Variants in STAT4 observed in about 807,000 individuals in gnomAD.
STAT4 encodes the protein signal transducer and activator of transcription 4.
STAT4 carries 42 observed loss-of-function variants against 110.5 expected under a neutral mutation model. The ratio of observed to expected loss-of-function variants is 0.38; its 90% CI spans 0.30 to 0.49. STAT4 has a LOEUF of 0.49. STAT4 is among the 20% of genes least tolerant of loss of function. STAT4 has a pLI of 0.95. For synonymous variants in STAT4, 284 were observed against 302.2 expected, an observed-to-expected ratio of 0.94 and a Z score of 0.63; for missense variants, 632 against 887.9, an observed-to-expected ratio of 0.71 and a Z score of 3.66.
In STAT4 at chr2:191,110,587, CTT is replaced by C. The variant is rs1370075728; in HGVS notation, c.274-34264_274-34263del. Reference sequence around the variant, plus strand: ...TTCCAATCTGAAAGTCTGAAAAAGACTTTTCTTTTGTCTTTAAAGTGCTTTTT... The same window carrying C: ...TTCCAATCTGAAAGTCTGAAAAAGACTTCTTTTGTCTTTAAAGTGCTTTTT... On this transcript the variant is annotated intron_variant, in intron 3 of 23. Coordinates refer to ENST00000392320, the MANE Select transcript of STAT4 (RefSeq NM_003151.4). The surrounding 1 kb of genome is among the most constrained non-coding windows in gnomAD (Gnocchi z 4.5). 1.3e-5 allele frequency among the ~76,000 whole-genome samples: 2 copies of C among 152,034 alleles called. No homozygotes were observed. The highest frequency in any genetic ancestry group is 4.8e-5 in the African/African-American group (2 of 41,400).
chr2:191,098,042 C>G (rs577580110), intron 3 of STAT4, among the ~76,000 whole-genome samples: 1 of 152,192 alleles, frequency 6.6e-6, no homozygotes, highest in African/African-American at 2.4e-5. Flanking sequence ...TCAGAGAAAT[C>G]CAAATCAAAA....
At chr2:191,054,147 A>G (rs568292786) in intron 14 of STAT4, among the ~76,000 whole-genome samples, 11 of 132,690 alleles carry the variant, frequency 8.3e-5, no homozygotes, top group Non-Finnish European at 1.8e-4. Context: ...AAAAAAAGAA[A>G]GAAAAAAAAG....
At position 191,086,316 on chromosome 2, in the gene STAT4, G is replaced by T. The variant is rs1261677430; in HGVS notation, c.274-9991C>A. 1.3e-5 allele frequency among the ~76,000 whole-genome samples: 2 copies of T among 152,132 alleles called. No homozygotes were observed. Among genetic ancestry groups the T allele is most frequent in the African/African-American group, 4.8e-5 (2 of 41,430 alleles). ...GCCCGGGAACCTCATAGGACCTCAA[G>T]AAGAGAGGAATTCACCCAATTCATA... On this transcript the variant is annotated intron_variant, in intron 3 of 23. Coordinates refer to ENST00000392320, the MANE Select transcript of STAT4 (RefSeq NM_003151.4). The surrounding 1 kb of genome is among the most constrained non-coding windows in gnomAD (Gnocchi z 5.5).
chr2:191,118,269 G>A (rs1574172580), intron 3 of STAT4, among the ~76,000 whole-genome samples: 1 of 152,196 alleles, frequency 6.6e-6, no homozygotes, highest in African/African-American at 2.4e-5. Context: ...AGAATCACTT[G>A]TGAAGCTTTA....
Position 191,031,405 on chromosome 2 carries a change from A to T in STAT4, c.2111+45T>A. 1 of 1,585,236 alleles carries T rather than the reference A, an allele frequency of 6.3e-7. No individual in the cohort carries two copies. Among genetic ancestry groups the T allele is most frequent in the Non-Finnish European group, 8.6e-7 (1 of 1,160,520 alleles). On this transcript the variant is annotated intron_variant, in intron 22 of 23. Coordinates refer to ENST00000392320, the MANE Select transcript of STAT4 (RefSeq NM_003151.4). This position sits in a 1 kb window ranked among gnomAD's most constrained non-coding sequence, Gnocchi z 4.8. ...GCTCTACCTTTAAATCTCCTATAGGAAAGCTTTTTATAAAAATATTTCACA... is the reference window on the plus strand; with the variant it reads ...GCTCTACCTTTAAATCTCCTATAGGTAAGCTTTTTATAAAAATATTTCACA...
rs976457150 is a variant in STAT4 at position 191,039,635 on chromosome 2, A to T, written c.1336-338T>A. Among the ~76,000 whole-genome samples, 5 of 152,258 alleles carry T rather than the reference A, an allele frequency of 3.3e-5. No homozygotes were observed. Among genetic ancestry groups the T allele is most frequent in the African/African-American group, 1.2e-4 (5 of 41,460 alleles). On this transcript the variant is annotated intron_variant, in intron 15 of 23. Transcript: ENST00000392320. This position sits in a 1 kb window ranked among gnomAD's most constrained non-coding sequence, Gnocchi z 4.7. ...TATTAGAGAGTCTATTGAATTAGCA[A>T]CAATCTTCTCTATAAGTTAAATAAA...
rs1291044543 is a variant in STAT4, at chr2:191,060,749, C to T, written c.1034+980G>A. ...TGCAATTTAAAAAGGAACCTGGCCT[C>T]TGCCTTTTGTTTTCAGTTCTTAAAT... is the stretch of plus-strand genomic sequence containing the variant. On this transcript the variant is annotated intron_variant, in intron 10 of 23. Transcript: ENST00000392320. This position sits in a 1 kb window ranked among gnomAD's most constrained non-coding sequence, Gnocchi z 4.5. Among the ~76,000 whole-genome samples, 1 of 152,208 alleles carries T rather than the reference C, an allele frequency of 6.6e-6. No individual in the cohort carries two copies. The highest frequency in any genetic ancestry group is 1.5e-5 in the Non-Finnish European group (1 of 68,034).
Position 191,146,770 on chromosome 2 carries a change from A to AT in STAT4, c.129-14_129-13insA, listed in dbSNP as rs1420959144. The stretch of plus-strand genomic sequence containing the variant: ...AGAAGCTGCCTCCCTAAAAAAAAAA[A>AT]GGATTATTACACAACAGAAAACAAC... On this transcript the variant is annotated splice_polypyrimidine_tract_variant and intron_variant, in intron 2 of 23. Coordinates refer to ENST00000392320, the MANE Select transcript of STAT4 (RefSeq NM_003151.4). The surrounding 1 kb of genome is among the most constrained non-coding windows in gnomAD (Gnocchi z 4.5). The AT allele has an allele frequency of 1.3e-6, 2 of 1,533,126 alleles. No homozygotes were observed. Among genetic ancestry groups the AT allele is most frequent in the African/African-American group, 2.8e-5 (2 of 71,032 alleles). 95.0% of individuals were successfully genotyped at this position (1,533,126 alleles called of 1,614,324 possible). A position where few individuals can be genotyped will look rare whatever the true frequency, so the allele number is the denominator to read the frequency against.
rs1699389109 is a variant in STAT4 at position 191,143,614 on chromosome 2, A to G, written c.273+2999T>C. Reference sequence around the variant, plus strand: ...AAATAATAAAATACTGAAACTAGAGATCTCAGCTGTTCTATAAAGAACCAA... The same window carrying G: ...AAATAATAAAATACTGAAACTAGAGGTCTCAGCTGTTCTATAAAGAACCAA... On this transcript the variant is annotated intron_variant, in intron 3 of 23. Transcript: ENST00000392320. This position sits in a 1 kb window ranked among gnomAD's most constrained non-coding sequence, Gnocchi z 5.6. Among the ~76,000 whole-genome samples, 1 of 152,170 alleles carries G rather than the reference A, an allele frequency of 6.6e-6. No homozygotes were observed. The highest frequency in any genetic ancestry group is 1.5e-5 in the Non-Finnish European group (1 of 68,016).
chr2:191,085,640 G>A (rs1443120167), intron 3 of STAT4, among the ~76,000 whole-genome samples: 1 of 152,118 alleles, frequency 6.6e-6, no homozygotes, highest in African/African-American at 2.4e-5. Flanking sequence ...ATTGTTTTAT[G>A]TTGATCCTTT....
chr2:191,096,326 TTTTAG>T (rs1697981834), intron 3 of STAT4, among the ~76,000 whole-genome samples: 1 of 152,154 alleles, frequency 6.6e-6, no homozygotes, highest in East Asian at 1.9e-4. Context: ...AAAAAGAGAA[TTTTAG>T]ACCAATATTT....
rs564333899 is a variant in STAT4 at position 191,058,592 on chromosome 2, T to G, written c.1094+118A>C. On this transcript the variant is annotated intron_variant, in intron 11 of 23. Coordinates refer to ENST00000392320, the MANE Select transcript of STAT4 (RefSeq NM_003151.4). This position sits in a 1 kb window ranked among gnomAD's most constrained non-coding sequence, Gnocchi z 4.3. ...AGTCAAATATTTGAAGTACATTCAT[T>G]ATATAATGTTAGATAAGTAAATTTA... 6 of 667,814 alleles carry G rather than the reference T, an allele frequency of 9.0e-6. No homozygotes were observed. The highest frequency in any genetic ancestry group is 7.5e-5 in the African/African-American group (4 of 53,538). 41.4% of individuals were successfully genotyped at this position (667,814 alleles called of 1,614,324 possible).
chr2:191,093,695 C>T (rs373949892), intron 3 of STAT4, among the ~76,000 whole-genome samples: 17 of 152,344 alleles, frequency 1.1e-4, no homozygotes, highest in Middle Eastern at 6.8e-3. Flanking sequence ...CAAGGGATCA[C>T]AGCTCCTTGC....
Position 191,138,635 on chromosome 2 carries a change from A to T in STAT4, c.273+7978T>A, listed in dbSNP as rs1029910797. ...TTTAAAAAAAATTGCCAACCAAAAAAGTCCAGGACCAGATGGATTCACAGC... is the reference window on the plus strand; with the variant it reads ...TTTAAAAAAAATTGCCAACCAAAAATGTCCAGGACCAGATGGATTCACAGC... On this transcript the variant is annotated intron_variant, in intron 3 of 23. Transcript: ENST00000392320. The surrounding 1 kb of genome is among the most constrained non-coding windows in gnomAD (Gnocchi z 4.3). Among the ~76,000 whole-genome samples, 13 of 152,342 alleles carry T rather than the reference A, an allele frequency of 8.5e-5. No homozygotes were observed. The highest frequency in any genetic ancestry group is 2.9e-4 in the African/African-American group (12 of 41,592).
intron 6 of STAT4, chr2:191,068,232 T>A (rs985844639): frequency 5.4e-4 from 82 of 152,298 alleles, no homozygotes; most frequent in African/African-American, 1.9e-3. Context: ...CATAACAAAT[T>A]AAGTTCAAAT....
intron 16 of STAT4, 97 bp from the exon 17 acceptor site, chr2:191,036,396 C>T: frequency 2.3e-6 from 3 of 1,278,458 alleles, no homozygotes; most frequent in Non-Finnish European, 3.3e-6. Flanking sequence ...TCTCCCCACA[C>T]ACATACTAGG....
intron 3 of STAT4, among the ~76,000 whole-genome samples, chr2:191,139,389 A>G (rs550924604): frequency 2.0e-5 from 3 of 152,216 alleles, no homozygotes; most frequent in Non-Finnish European, 4.4e-5. Flanking sequence ...TGATAAAGGA[A>G]TTCAGTAAAC....
intron 1 of STAT4, 150 bp from the exon 2 acceptor site, chr2:191,148,354 T>A: frequency 9.9e-7 from 1 of 1,006,724 alleles, no homozygotes; most frequent in Non-Finnish European, 1.4e-6. Context: ...TTTTCATAAT[T>A]CAACCCTAAT....
At position 191,035,058 on chromosome 2, in the gene STAT4, G is replaced by C. The variant is rs926190853; in HGVS notation, c.1571-461C>G. 2.0e-5 allele frequency among the ~76,000 whole-genome samples: 3 copies of C among 152,216 alleles called. No individual in the cohort carries two copies. Among genetic ancestry groups the C allele is most frequent in the East Asian group, 1.9e-4 (1 of 5,200 alleles). ...ACCAGGAATGTTGCCTATTAAGATG[G>C]AAAGAATGGACTAGAAATCTATTAG... is the stretch of plus-strand genomic sequence containing the variant. On this transcript the variant is annotated intron_variant, in intron 17 of 23. Transcript: ENST00000392320. This position sits in a 1 kb window ranked among gnomAD's most constrained non-coding sequence, Gnocchi z 4.7.
Sources: allele counts gnomAD v4.1 joint callset (sites outside exome capture counted in the v4.1 genomes callset), GRCh38; gene constraint gnomAD v4.1.1; non-coding constraint Gnocchi (gnomAD v3.1); transcripts MANE v1.5; gene names NCBI Gene and HGNC (gene_info 2026-07-23, HGNC 2026-07-21).